The following B4GALT5 variants were observed in gnomAD, a reference collection of about 807,000 sequenced individuals.
B4GALT5 encodes beta-1,4-galactosyltransferase 5.
In B4GALT5, 11 loss-of-function variants were observed where a neutral mutation model predicts 45.0. That is an observed-to-expected ratio of 0.24 (90% CI 0.15 to 0.40). The LOEUF (loss-of-function observed/expected upper bound fraction) is 0.40, where lower values mean the gene tolerates loss of function less well. B4GALT5 is among the 10% of genes least tolerant of loss of function. The probability of loss-of-function intolerance (pLI) is 1.00; values close to 1 mark genes in which losing one functional copy is unlikely to be tolerated. For missense variants in B4GALT5, 337 were observed against 500.2 expected (o/e 0.67, Z 3.11); for synonymous variants, 185 against 182.9 (o/e 1.01, Z -0.09).
intron 1 of B4GALT5, among the ~76,000 whole-genome samples, chr20:49,686,701 GCAACATAGCAAGAC>G (rs2085786991): frequency 8.7e-6 from 1 of 115,174 alleles, no homozygotes; most frequent in Non-Finnish European, 1.6e-5. Context: ...TGTTGCATAG[GCAACATAGCAAGAC>G]CTTGTCTCTG....
chr20:49,698,276 C>T (rs916843631), intron 1 of B4GALT5, among the ~76,000 whole-genome samples: 3 of 151,826 alleles, frequency 2.0e-5, no homozygotes, highest in Admixed American at 6.6e-5. Flanking sequence ...TGAGCCGAGA[C>T]GGTGGCACCA....
chr20:49,697,496 T>C (rs2085844182), intron 1 of B4GALT5, among the ~76,000 whole-genome samples: 2 of 151,974 alleles, frequency 1.3e-5, no homozygotes, highest in Non-Finnish European at 2.9e-5. Context: ...CTGCTAACAC[T>C]AAGTTTCCTT....
chr20:49,685,054 G>A (rs1267969667), intron 1 of B4GALT5, among the ~76,000 whole-genome samples: 1 of 152,134 alleles, frequency 6.6e-6, no homozygotes, highest in Non-Finnish European at 1.5e-5. Flanking sequence ...TATTCTGATT[G>A]TGAAGAGAGG....
chr20:49,665,265 T>G (rs1490614360), intron 1 of B4GALT5, among the ~76,000 whole-genome samples: 1 of 151,002 alleles, frequency 6.6e-6, no homozygotes, highest in African/African-American at 2.4e-5. Context: ...ACAAAAAAAT[T>G]TAAAAATCAG....
intron 1 of B4GALT5, among the ~76,000 whole-genome samples, chr20:49,673,198 G>A (rs1281619323): frequency 1.3e-5 from 2 of 152,036 alleles, no homozygotes; most frequent in African/African-American, 4.8e-5. Context: ...TGGCCAACAT[G>A]GTGAAACCCC....
At chr20:49,642,427 C>T in intron 5 of B4GALT5, 41 bp downstream of exon 5, 3 of 1,465,558 alleles carry the variant, frequency 2.0e-6, no homozygotes, top group Non-Finnish European at 1.9e-6. Flanking sequence ...AAACTGCTGT[C>T]TCAGAAGAGA....
At chr20:49,657,029 ATTAG>A (rs757441766) in intron 1 of B4GALT5, among the ~76,000 whole-genome samples, 1 of 152,030 alleles carries the variant, frequency 6.6e-6, no homozygotes, top group African/African-American at 2.4e-5. Flanking sequence ...ACCTTTATGA[ATTAG>A]TTAAAACTTT....
chr20:49,659,289 G>A (rs1797014809), intron 1 of B4GALT5, among the ~76,000 whole-genome samples: 1 of 152,162 alleles, frequency 6.6e-6, no homozygotes, highest in African/African-American at 2.4e-5. Context: ...TTATCCCTGA[G>A]CTGCTGCTAC....
chr20:49,692,875 C>T (rs1259146946), intron 1 of B4GALT5, among the ~76,000 whole-genome samples: 5 of 152,204 alleles, frequency 3.3e-5, no homozygotes, highest in Non-Finnish European at 5.9e-5. Context: ...GTATCTTACA[C>T]AGTCATGTGC....
At chr20:49,705,735 T>C (rs542233649) in intron 1 of B4GALT5, among the ~76,000 whole-genome samples, 3 of 152,226 alleles carry the variant, frequency 2.0e-5, no homozygotes, top group Non-Finnish European at 2.9e-5. Flanking sequence ...AAAGGGACCC[T>C]AGAATCTGCA....
intron 2 of B4GALT5, among the ~76,000 whole-genome samples, chr20:49,651,934 C>A (rs543565734): frequency 2.7e-5 from 4 of 150,788 alleles, no homozygotes; most frequent in Admixed American, 1.3e-4. Flanking sequence ...CAAAAATTAG[C>A]CGGGGGTGGT....
intron 5 of B4GALT5, 48 bp downstream of exon 5, chr20:49,642,420 C>A (rs767071127): frequency 7.2e-6 from 10 of 1,395,818 alleles, no homozygotes; most frequent in Non-Finnish European, 9.1e-6. Context: ...GCAACCTAAA[C>A]TGCTGTCTCA....
At position 49,636,512 on chromosome 20, in the gene B4GALT5, C is replaced by T. The variant is rs1348299837; in HGVS notation, c.1020-53G>A. 4 of 1,592,588 alleles carry T rather than the reference C, an allele frequency of 2.5e-6. No homozygotes were observed. The African/African-American group carries it at 5.4e-5, about 21-fold the overall frequency. On this transcript the variant is annotated intron_variant, in intron 8 of 8. Coordinates refer to ENST00000371711, the MANE Select transcript of B4GALT5 (RefSeq NM_004776.4). ...TGGCTCTGAGTGAGGATCCATGCCTCTGCAGCCAGAGGATGGAGCAGGGCG... is the reference window on the plus strand; with the variant it reads ...TGGCTCTGAGTGAGGATCCATGCCTTTGCAGCCAGAGGATGGAGCAGGGCG...
At chr20:49,707,831 C>A (rs1401612635) in intron 1 of B4GALT5, among the ~76,000 whole-genome samples, 1 of 151,292 alleles carries the variant, frequency 6.6e-6, no homozygotes, top group Non-Finnish European at 1.5e-5. Flanking sequence ...CCAGGATCGT[C>A]TTGAACTCCT....
At chr20:49,695,394 C>A (rs1331090348) in intron 1 of B4GALT5, among the ~76,000 whole-genome samples, 1 of 150,514 alleles carries the variant, frequency 6.6e-6, no homozygotes, top group Non-Finnish European at 1.5e-5. Context: ...GTGAACCTAT[C>A]ATGACAGTCT....
intron 1 of B4GALT5, among the ~76,000 whole-genome samples, chr20:49,711,949 C>T (rs941211246): frequency 6.6e-6 from 1 of 152,200 alleles, no homozygotes; most frequent in African/African-American, 2.4e-5. Context: ...TCCTAAAAGG[C>T]ATTTCCCTAC....
At chr20:49,695,415 AT>A (rs11297973) in intron 1 of B4GALT5, among the ~76,000 whole-genome samples, 68,057 of 141,992 alleles carry the variant, frequency 0.48, 15,926 homozygotes, top group South Asian at 0.64. Context: ...GTTGTGGTTT[AT>A]TTTTTTTTTT....
chr20:49,671,338 A>G (rs1171275920), intron 1 of B4GALT5, among the ~76,000 whole-genome samples: 1 of 152,186 alleles, frequency 6.6e-6, no homozygotes, highest in Non-Finnish European at 1.5e-5. Flanking sequence ...TCATGCCACT[A>G]CACTCCAGCC....
At chr20:49,660,420 T>C (rs1251984663) in intron 1 of B4GALT5, among the ~76,000 whole-genome samples, 3 of 152,242 alleles carry the variant, frequency 2.0e-5, no homozygotes, top group Non-Finnish European at 4.4e-5. Flanking sequence ...AGTGAGTCTC[T>C]GCAGAACTTA....
Sources: gnomAD v4.1 joint callset for allele counts (sites outside exome capture counted in the v4.1 genomes callset) on GRCh38, gnomAD v4.1.1 for gene constraint, MANE v1.5 for transcripts, NCBI Gene and HGNC (gene_info 2026-07-23, HGNC 2026-07-21) for gene names.